Variants in TMEM132C observed in about 807,000 individuals in gnomAD.
TMEM132C encodes the protein transmembrane protein 132C, also known as protein phosphatase 1, regulatory subunit 152.
A neutral mutation model predicts 61.4 loss-of-function variants in TMEM132C; 29 were observed. The observed-to-expected ratio is 0.47, with a 90% CI of 0.35 to 0.64. TMEM132C has a LOEUF of 0.64. Ranked by LOEUF, TMEM132C falls within the 30% of genes least tolerant of loss-of-function variation. The pLI is 0.00. For synonymous variants in TMEM132C, 656 were observed against 633.1 expected, an observed-to-expected ratio of 1.04 and a Z score of -0.54; for missense variants, 1,408 against 1,476.9, an observed-to-expected ratio of 0.95 and a Z score of 0.76.
At chr12:128,665,164 C>G (rs576139997) in intron 4 of TMEM132C, among the ~76,000 whole-genome samples, 2 of 151,690 alleles carry the variant, frequency 1.3e-5, no homozygotes, top group South Asian at 2.1e-4. Context: ...CTCACACATA[C>G]ACAAACAGGC....
intron 4 of TMEM132C, among the ~76,000 whole-genome samples, chr12:128,635,462 CTTTTTTT>C (rs372811916): frequency 7.7e-6 from 1 of 130,440 alleles, no homozygotes; most frequent in Non-Finnish European, 1.7e-5. Flanking sequence ...TGAGTTTTTT[CTTTTTTT>C]TTTTTTTTTG....
intron 5 of TMEM132C, among the ~76,000 whole-genome samples, chr12:128,687,936 C>T (rs1391572078): frequency 6.6e-6 from 1 of 152,126 alleles, no homozygotes; most frequent in African/African-American, 2.4e-5. Flanking sequence ...CACTGTTTTC[C>T]CTTAACCCTA....
At chr12:128,538,854 A>G (rs556096729) in intron 2 of TMEM132C, among the ~76,000 whole-genome samples, 145 of 152,330 alleles carry the variant, frequency 9.5e-4, no homozygotes, top group Non-Finnish European at 1.7e-3. Context: ...TTTTGTCTAG[A>G]TTAATATTCA....
At chr12:128,413,298 C>CAAAAA (rs56026776) in intron 1 of TMEM132C, among the ~76,000 whole-genome samples, 11,256 of 59,674 alleles carry the variant, frequency 0.19, 2,417 homozygotes, top group South Asian at 0.45. Context: ...GACTCTGTCT[C>CAAAAA]AAAAAAAAAA....
chr12:128,287,699 C>T (rs945992242), intron 1 of TMEM132C, among the ~76,000 whole-genome samples: 3 of 152,146 alleles, frequency 2.0e-5, no homozygotes, highest in African/African-American at 7.2e-5. Flanking sequence ...CTCCTTTATT[C>T]GAATGTTTCC....
At chr12:128,427,002 T>C (rs1869208164) in intron 2 of TMEM132C, among the ~76,000 whole-genome samples, 1 of 152,098 alleles carries the variant, frequency 6.6e-6, no homozygotes, top group Admixed American at 6.5e-5. Context: ...ATCTAAAAAT[T>C]TGTGTGGAGG....
intron 1 of TMEM132C, among the ~76,000 whole-genome samples, chr12:128,339,440 G>A (rs940714210): frequency 1.2e-4 from 19 of 152,056 alleles, no homozygotes; most frequent in African/African-American, 3.4e-4. Context: ...AAGGCCTGCG[G>A]TTCAGCACAG....
chr12:128,305,539 C>CTTT (rs34692834), intron 1 of TMEM132C, among the ~76,000 whole-genome samples: 1 of 141,618 alleles, frequency 7.1e-6, no homozygotes, highest in Non-Finnish European at 1.5e-5. Flanking sequence ...GGTTTTGTGG[C>CTTT]TTTTTTTTTT....
chr12:128,337,254 T>C (rs1427330189), intron 1 of TMEM132C, among the ~76,000 whole-genome samples: 1 of 152,186 alleles, frequency 6.6e-6, no homozygotes, highest in Admixed American at 6.5e-5. Context: ...GTCTGGCTTA[T>C]TATATTCAAT....
In TMEM132C at chr12:128,304,437, G is replaced by A. The variant is rs543939064; in HGVS notation, c.85+36950G>A. 8.6e-5 allele frequency among the ~76,000 whole-genome samples: 13 copies of A among 152,018 alleles called. 1 individual carries two copies. The South Asian group carries it at 1.9e-3, about 22-fold the overall frequency. On this transcript the variant is annotated intron_variant, in intron 1 of 8. Transcript: ENST00000435159. Reference sequence around the variant, plus strand: ...AGCCTGGCCAACGTGGTGAAACCCCGTCTCCACTAAAAATACAAAAAATTA... The same window carrying A: ...AGCCTGGCCAACGTGGTGAAACCCCATCTCCACTAAAAATACAAAAAATTA...
At chr12:128,524,084 A>G (rs1484838937) in intron 2 of TMEM132C, among the ~76,000 whole-genome samples, 2 of 151,534 alleles carry the variant, frequency 1.3e-5, no homozygotes, top group African/African-American at 2.4e-5. Flanking sequence ...GGCCAGGGTG[A>G]TGTGATTCTT....
chr12:128,370,547 G>A (rs1413220878), intron 1 of TMEM132C, among the ~76,000 whole-genome samples: 11 of 151,882 alleles, frequency 7.2e-5, no homozygotes, highest in Non-Finnish European at 5.9e-5. Flanking sequence ...CCTCAGGAAA[G>A]GGGTCAAGCA....
At chr12:128,397,512 A>G (rs1194787009) in intron 1 of TMEM132C, among the ~76,000 whole-genome samples, 1 of 152,124 alleles carries the variant, frequency 6.6e-6, no homozygotes, top group Non-Finnish European at 1.5e-5. Context: ...AGAGAAACTT[A>G]CAAACCACCA....
chr12:128,388,083 C>T (rs10773536), intron 1 of TMEM132C, among the ~76,000 whole-genome samples: 35,540 of 152,258 alleles, frequency 0.23, 4,777 homozygotes, highest in South Asian at 0.41. Context: ...CCCAGGGGAT[C>T]CCTCCACTTC....
chr12:128,604,965 T>C (rs1431455015), intron 3 of TMEM132C, among the ~76,000 whole-genome samples: 2 of 132,212 alleles, frequency 1.5e-5, no homozygotes, highest in African/African-American at 3.0e-5. Context: ...AGATAAATAA[T>C]AGATGGGTAG....
intron 3 of TMEM132C, among the ~76,000 whole-genome samples, chr12:128,578,675 G>A (rs1282044857): frequency 6.6e-6 from 1 of 152,104 alleles, no homozygotes; most frequent in Non-Finnish European, 1.5e-5. Flanking sequence ...TCGGCTCACT[G>A]CAATCTCCGC....
At chr12:128,523,075 A>G (rs901671922) in intron 2 of TMEM132C, among the ~76,000 whole-genome samples, 1 of 152,222 alleles carries the variant, frequency 6.6e-6, no homozygotes, top group African/African-American at 2.4e-5. Context: ...TTATTCAGCC[A>G]TAAAAAGGAA....
chr12:128,496,353 G>C (rs1214860165), intron 2 of TMEM132C, among the ~76,000 whole-genome samples: 1 of 152,076 alleles, frequency 6.6e-6, no homozygotes, highest in East Asian at 1.9e-4. Context: ...GGCGTTCTCT[G>C]TATTTCCTGA....
At chr12:128,476,402 G>T (rs140289904) in intron 2 of TMEM132C, among the ~76,000 whole-genome samples, 2 of 152,280 alleles carry the variant, frequency 1.3e-5, no homozygotes, top group South Asian at 2.1e-4. Context: ...GCCACAGAAC[G>T]AAGCTTAATG....
Sources: allele counts gnomAD v4.1 joint callset (sites outside exome capture counted in the v4.1 genomes callset), GRCh38; gene constraint gnomAD v4.1.1; transcripts MANE v1.5; gene names NCBI Gene and HGNC (gene_info 2026-07-23, HGNC 2026-07-21).